The following FAR1 variants were observed in gnomAD, a reference collection of about 807,000 sequenced individuals.
FAR1 encodes fatty acyl-CoA reductase 1.
In FAR1, 22 loss-of-function variants were observed where a neutral mutation model predicts 61.1. The ratio of observed to expected loss-of-function variants is 0.36; its 90% confidence interval spans 0.26 to 0.51. The LOEUF (loss-of-function observed/expected upper bound fraction) is 0.51. Among genes scored for constraint, FAR1 ranks in the 20% least tolerant of loss-of-function variants. FAR1 has a pLI of 0.95. For missense variants in FAR1, 359 were observed against 626.9 expected (o/e 0.57, Z 4.56); for synonymous variants, 206 against 209.7 (o/e 0.98, Z 0.15).
At position 13,721,694 on chromosome 11, in the gene FAR1, C is replaced by T. The variant is rs1848611148; in HGVS notation, c.1128-36C>T. 2 of 1,594,502 alleles carry T rather than the reference C, an allele frequency of 1.3e-6. No homozygotes were observed. The highest frequency in any genetic ancestry group is 1.7e-5 in the Admixed American group (1 of 58,032). ...GTGATAGGATTTTTCCTAATCTATACAAAATATGAATCTGTCCATTTTTCT... is the reference window on the plus strand; with the variant it reads ...GTGATAGGATTTTTCCTAATCTATATAAAATATGAATCTGTCCATTTTTCT... On this transcript the variant is annotated intron_variant, in intron 9 of 11. Coordinates refer to ENST00000354817, the MANE Select transcript of FAR1 (RefSeq NM_032228.6). This position sits in a 1 kb window ranked among gnomAD's most constrained non-coding sequence, Gnocchi z 4.2.
intron 3 of FAR1, among the ~76,000 whole-genome samples, chr11:13,705,155 C>A (rs887056406): frequency 6.6e-6 from 1 of 151,838 alleles, no homozygotes; most frequent in Non-Finnish European, 1.5e-5. Context: ...TCATTTTGTA[C>A]CCCCCTCCCA....
intron 1 of FAR1, chr11:13,686,574 GAGA>G (rs1848188272): frequency 6.6e-6 from 1 of 152,176 alleles, no homozygotes; most frequent in South Asian, 2.1e-4. Context: ...GTGCAATAGT[GAGA>G]AGAAGGGAAC....
At chr11:13,723,376 A>C (rs1224851437) in intron 10 of FAR1, 1 of 418,894 alleles carries the variant, frequency 2.4e-6, no homozygotes, top group Non-Finnish European at 4.6e-6. Flanking sequence ...AAAAAAAAAA[A>C]AAAAAAACCC....
rs774067231 is a variant in FAR1, at chr11:13,700,356, G to C, written c.229G>C (p.Glu77Gln). The C allele has an allele frequency of 5.6e-6, 9 of 1,593,760 alleles. No homozygotes were observed. Among genetic ancestry groups the C allele is most frequent in the African/African-American group, 1.4e-5 (1 of 73,436 alleles). The part of the protein sequence containing the change: ...RLRDENPDFR[E>Q]KIIAINSELT... ...GAGAGATGAAAATCCAGATTTTAGA[G>C]AGAAAATTATAGCAATCAACAGCGA... is the stretch of plus-strand genomic sequence containing the variant. The change falls in exon 3 of 12, where the codon GAG (glutamate) becomes CAG (glutamine). Residue 77 changes from glutamate to glutamine, a missense_variant. Glu to Gln is a conservative substitution (Grantham distance 29). This residue lies in a region of FAR1 where 344 missense variants were observed against 570.3 expected (regional missense o/e 0.60). Transcript: ENST00000354817.
intron 1 of FAR1, among the ~76,000 whole-genome samples, chr11:13,674,760 A>C (rs1339554951): frequency 6.6e-6 from 1 of 152,226 alleles, no homozygotes; most frequent in Admixed American, 6.5e-5. Flanking sequence ...GTACCGTCAA[A>C]AAGATGTTGA....
At chr11:13,706,316 T>C (rs976148127) in intron 3 of FAR1, among the ~76,000 whole-genome samples, 2 of 152,080 alleles carry the variant, frequency 1.3e-5, no homozygotes, top group African/African-American at 4.8e-5. Flanking sequence ...AGAACAAGTT[T>C]TTCCTCTGAG....
At chr11:13,681,932 G>A (rs1184693872) in intron 1 of FAR1, among the ~76,000 whole-genome samples, 1 of 152,130 alleles carries the variant, frequency 6.6e-6, no homozygotes, top group Non-Finnish European at 1.5e-5. Flanking sequence ...GAACAAAGTA[G>A]TGGGCAAGAG....
chr11:13,727,079 C>T (rs1159059875), intron 10 of FAR1, among the ~76,000 whole-genome samples: 1 of 151,904 alleles, frequency 6.6e-6, no homozygotes, highest in Non-Finnish European at 1.5e-5. Context: ...ACTCCTTAGC[C>T]AGCTTTCATA....
chr11:13,677,414 CAA>C (rs1394807196), intron 1 of FAR1, among the ~76,000 whole-genome samples: 2 of 152,092 alleles, frequency 1.3e-5, no homozygotes, highest in Non-Finnish European at 2.9e-5. Context: ...ATGAACTTGG[CAA>C]AGTTTTAAAA....
chr11:13,674,624 G>C (rs1387392969), intron 1 of FAR1, among the ~76,000 whole-genome samples: 1 of 152,118 alleles, frequency 6.6e-6, no homozygotes, highest in Non-Finnish European at 1.5e-5. Context: ...ATTTAGTAGA[G>C]AGGATAAATT....
At chr11:13,705,676 G>GA (rs944741701) in intron 3 of FAR1, among the ~76,000 whole-genome samples, 42 of 150,186 alleles carry the variant, frequency 2.8e-4, no homozygotes, top group African/African-American at 8.3e-4. Flanking sequence ...AATTAAGGAA[G>GA]AAAAAAAAAT....
chr11:13,703,583 C>T (rs1020860978), intron 3 of FAR1, among the ~76,000 whole-genome samples: 3 of 152,036 alleles, frequency 2.0e-5, no homozygotes, highest in Non-Finnish European at 4.4e-5. Context: ...GCAAAATAAC[C>T]ATAATGTAGG....
At position 13,688,185 on chromosome 11, in the gene FAR1, A is replaced by AT. The variant is rs978121232; in HGVS notation, c.-7-6574_-7-6573insT. On this transcript the variant is annotated intron_variant, in intron 1 of 11. Coordinates refer to ENST00000354817, the MANE Select transcript of FAR1 (RefSeq NM_032228.6). ...GAGTCTCTTGTTGGCAGCAAAAAAA[A>AT]ATATATATTTAGTGCTTGTGAAGTT... Among the ~76,000 whole-genome samples, 22 of 152,178 alleles carry AT rather than the reference A, an allele frequency of 1.4e-4. 1 individual carries two copies. The highest frequency in any genetic ancestry group is 8.3e-4 in the South Asian group (4 of 4,828).
chr11:13,681,567 T>G (rs1189138575), intron 1 of FAR1, among the ~76,000 whole-genome samples: 2 of 152,166 alleles, frequency 1.3e-5, no homozygotes, highest in Non-Finnish European at 2.9e-5. Context: ...TGAGAGAGCT[T>G]TTGCCTAGCT....
chr11:13,713,324 G>A (rs1034923482), intron 8 of FAR1, among the ~76,000 whole-genome samples: 1 of 141,180 alleles, frequency 7.1e-6, no homozygotes, highest in African/African-American at 2.7e-5. Context: ...CCTATGGCAT[G>A]GGAACAGTGC....
chr11:13,717,182 A>G (rs998475801), intron 9 of FAR1, among the ~76,000 whole-genome samples: 22 of 151,478 alleles, frequency 1.5e-4, no homozygotes, highest in Admixed American at 9.9e-4. Flanking sequence ...CCACCGCCCC[A>G]GATCCCTGTG....
At chr11:13,693,664 G>A (rs1175238576) in intron 1 of FAR1, among the ~76,000 whole-genome samples, 1 of 152,134 alleles carries the variant, frequency 6.6e-6, no homozygotes, top group African/African-American at 2.4e-5. Context: ...TTAGGAGATT[G>A]GTAAAAAGAG....
chr11:13,705,304 T>C (rs1458994402), intron 3 of FAR1, among the ~76,000 whole-genome samples: 1 of 152,100 alleles, frequency 6.6e-6, no homozygotes, highest in African/African-American at 2.4e-5. Context: ...AGAAATTGGA[T>C]TGAGGTAAAA....
intron 10 of FAR1, among the ~76,000 whole-genome samples, chr11:13,725,675 A>G (rs1848661259): frequency 6.6e-6 from 1 of 152,158 alleles, no homozygotes; most frequent in African/African-American, 2.4e-5. Context: ...TTGCTGGTAG[A>G]ACTATATGGT....
Sources: allele counts gnomAD v4.1 joint callset (sites outside exome capture counted in the v4.1 genomes callset), GRCh38; gene constraint gnomAD v4.1.1; regional missense constraint gnomAD v4.1.1; non-coding constraint Gnocchi (gnomAD v3.1); transcripts MANE v1.5; gene names NCBI Gene and HGNC (gene_info 2026-07-23, HGNC 2026-07-21).